The following MYCBP2 variants were observed in gnomAD, a reference collection of about 807,000 sequenced individuals.
MYCBP2 encodes the protein MYC binding protein 2.
In MYCBP2, 120 loss-of-function variants were observed where a neutral mutation model predicts 525.3. The ratio of observed to expected loss-of-function variants is 0.23; its 90% CI spans 0.20 to 0.27. The LOEUF (loss-of-function observed/expected upper bound fraction) is 0.27, where lower values mean the gene tolerates loss of function less well. Ranked by LOEUF, MYCBP2 falls within the 10% of genes least tolerant of loss-of-function variation. MYCBP2 has a pLI of 1.00. For missense variants in MYCBP2, 4,149 were observed against 5,657.1 expected, an observed-to-expected ratio of 0.73 and a Z score of 8.55; for synonymous variants, 1,894 against 1,955.8, an observed-to-expected ratio of 0.97 and a Z score of 0.83.
At chr13:77,068,494 C>G (rs2154081557) in intron 70 of MYCBP2, 71 bp downstream of exon 70, 2 of 1,546,070 alleles carry the variant, frequency 1.3e-6, no homozygotes, top group East Asian at 4.6e-5. Context: ...AGATAATTCT[C>G]TTTGCATTGC....
At chr13:77,312,896 C>T (rs2080446346) in intron 1 of MYCBP2, among the ~76,000 whole-genome samples, 1 of 151,792 alleles carries the variant, frequency 6.6e-6, no homozygotes, top group African/African-American at 2.4e-5. Context: ...CATAAACATC[C>T]AAACAACACT....
intron 2 of MYCBP2, among the ~76,000 whole-genome samples, chr13:77,294,761 A>G (rs1336580906): frequency 6.6e-6 from 1 of 152,224 alleles, no homozygotes; most frequent in African/African-American, 2.4e-5. Flanking sequence ...CTATCCCAGA[A>G]GCAGAAGTAA....
Position 77,206,832 on chromosome 13 carries a change from AG to A in MYCBP2, c.3417-8del, listed in dbSNP as rs2063396130. ...TCTAGTATTTGGTCGAAACCTTTAAAGAAAAAGAATAATTACAGCACCTCAA... is the reference window on the plus strand; with the variant it reads ...TCTAGTATTTGGTCGAAACCTTTAAAAAAAAGAATAATTACAGCACCTCAA... On this transcript the variant is annotated splice_polypyrimidine_tract_variant and splice_region_variant and intron_variant, in intron 23 of 82. Transcript: ENST00000544440. The A allele has an allele frequency of 6.3e-6, 10 of 1,578,384 alleles. No individual in the cohort carries two copies. Among genetic ancestry groups the A allele is most frequent in the Non-Finnish European group, 8.6e-6 (10 of 1,163,250 alleles).
At chr13:77,062,779 C>T (rs2039533608) in intron 73 of MYCBP2, 82 bp from the exon 74 acceptor site, 1 of 1,057,932 alleles carries the variant, frequency 9.5e-7, no homozygotes, top group South Asian at 1.3e-5. Flanking sequence ...CACAACAGCT[C>T]AATAAATGCT....
At position 77,242,271 on chromosome 13, in the gene MYCBP2, G is replaced by A. The variant is rs1047477183; in HGVS notation, c.2629+788C>T. Among the ~76,000 whole-genome samples, 4 of 152,090 alleles carry A rather than the reference G, an allele frequency of 2.6e-5. No homozygotes were observed. In the South Asian group the frequency reaches 6.2e-4, roughly 24 times the overall value. On this transcript the variant is annotated intron_variant, in intron 17 of 82. Coordinates refer to ENST00000544440, the MANE Select transcript of MYCBP2 (RefSeq NM_015057.5). ...TGGGACTACAGGCGCACACCACCAC[G>A]CCCAGCTAATTTTTTTGTACTTTTA...
intron 52 of MYCBP2, among the ~76,000 whole-genome samples, chr13:77,137,066 A>G (rs111748216): frequency 1.5e-3 from 235 of 152,118 alleles, no homozygotes; most frequent in African/African-American, 5.4e-3. Flanking sequence ...CAACCTCCGC[A>G]CTCACATTCC....
chr13:77,182,941 C>T (rs909320512), intron 32 of MYCBP2, among the ~76,000 whole-genome samples: 1 of 152,088 alleles, frequency 6.6e-6, no homozygotes, highest in Non-Finnish European at 1.5e-5. Context: ...TTCCTTATAT[C>T]CTACTTTCCT....
At chr13:77,084,772 A>G (rs2043928133) in intron 62 of MYCBP2, among the ~76,000 whole-genome samples, 1 of 152,104 alleles carries the variant, frequency 6.6e-6, no homozygotes, top group African/African-American at 2.4e-5. Flanking sequence ...TCCTCCAGAG[A>G]AATTGCATGC....
intron 1 of MYCBP2, among the ~76,000 whole-genome samples, chr13:77,303,771 GA>G (rs71203044): frequency 2.1e-4 from 31 of 147,912 alleles, no homozygotes; most frequent in East Asian, 9.9e-4. Context: ...TGCATATACT[GA>G]AAAAAAAAAC....
At chr13:77,241,241 A>G (rs2031804) in intron 17 of MYCBP2, among the ~76,000 whole-genome samples, 1 of 151,996 alleles carries the variant, frequency 6.6e-6, no homozygotes, top group African/African-American at 2.4e-5. Context: ...GCACGATTCA[A>G]TGTTCCTTTA....
chr13:77,273,607 T>C lies in MYCBP2; in HGVS notation c.810A>G (p.Thr270=). The C allele has an allele frequency of 6.3e-7, 1 of 1,599,452 alleles. No individual in the cohort carries two copies. The highest frequency in any genetic ancestry group is 8.5e-7 in the Non-Finnish European group (1 of 1,176,166). The part of the protein sequence containing the change: ...TVRSTGMNDS[T]GQSLTALSCA... ...AGGAAAGTGCTGTTAAGGACTGTCC[T>C]GTGCTGTCATTCATCCCAGTACTTC... Residue 270 remains threonine, a synonymous_variant, in exon 5 of 83, where the codon ACA becomes ACG. Transcript: ENST00000544440.
intron 70 of MYCBP2, among the ~76,000 whole-genome samples, chr13:77,068,153 A>T (rs1169738934): frequency 1.3e-5 from 2 of 152,186 alleles, no homozygotes; most frequent in African/African-American, 4.8e-5. Context: ...CTTTAAGAAA[A>T]GAAATATGAT....
rs1306483504 is a variant in MYCBP2 at position 77,257,811 on chromosome 13, T to C, written c.2036A>G (p.Lys679Arg). 8 of 1,608,002 alleles carry C rather than the reference T, an allele frequency of 5.0e-6. No individual in the cohort carries two copies. The highest frequency in any genetic ancestry group is 6.8e-6 in the Non-Finnish European group (8 of 1,178,428). ...AGCTACCTGAGTTACAAAATGGCCCTTCAAATCAGTTACCAAACCTATAGG... is the reference window on the plus strand; with the variant it reads ...AGCTACCTGAGTTACAAAATGGCCCCTCAAATCAGTTACCAAACCTATAGG... ...SDSSSLVTDL[K>R]GHFVTQVAMG... The change falls in exon 14 of 83, where the codon AAG (lysine) becomes AGG (arginine). Residue 679 changes from lysine to arginine, a missense_variant. Physicochemically the swap from Lys to Arg is conservative, Grantham distance 26 (BLOSUM62 2). Coordinates refer to ENST00000544440, the MANE Select transcript of MYCBP2 (RefSeq NM_015057.5).
chr13:77,317,963 T>TAA (rs770174610), intron 1 of MYCBP2, among the ~76,000 whole-genome samples: 5 of 149,522 alleles, frequency 3.3e-5, no homozygotes, highest in Non-Finnish European at 7.4e-5. Flanking sequence ...TAACATAACA[T>TAA]AACATAACAT....
At chr13:77,317,623 C>T (rs1328921446) in intron 1 of MYCBP2, among the ~76,000 whole-genome samples, 1 of 152,104 alleles carries the variant, frequency 6.6e-6, no homozygotes, top group Non-Finnish European at 1.5e-5. Context: ...CAAGATGGGA[C>T]AAATGATTCT....
intron 15 of MYCBP2, among the ~76,000 whole-genome samples, chr13:77,246,319 C>T (rs2154321026): frequency 6.6e-6 from 1 of 152,124 alleles, no homozygotes; most frequent in Middle Eastern, 3.4e-3. Flanking sequence ...CAGTAATATG[C>T]CTGACTGACA....
intron 1 of MYCBP2, among the ~76,000 whole-genome samples, chr13:77,325,885 A>T (rs2082229877): frequency 6.6e-6 from 1 of 152,136 alleles, no homozygotes; most frequent in Admixed American, 6.5e-5. Flanking sequence ...CTTATTCATA[A>T]ATCTTTTTAA....
chr13:77,092,877 G>T (rs2045667684), intron 59 of MYCBP2, among the ~76,000 whole-genome samples: 1 of 152,132 alleles, frequency 6.6e-6, no homozygotes, highest in Non-Finnish European at 1.5e-5. Context: ...CTGCTCCCAT[G>T]AAAACTCAAA....
chr13:77,264,093 TC>T, intron 8 of MYCBP2, 91 bp from the exon 9 acceptor site: 1 of 941,872 alleles, frequency 1.1e-6, no homozygotes, highest in Non-Finnish European at 1.6e-6. Context: ...ATGAGAGTTC[TC>T]CACGCAATAA....
Sources: gnomAD v4.1 joint callset for allele counts (sites outside exome capture counted in the v4.1 genomes callset) on GRCh38, gnomAD v4.1.1 for gene constraint, MANE v1.5 for transcripts, NCBI Gene and HGNC (gene_info 2026-07-23, HGNC 2026-07-21) for gene names.